Variants in FRMPD4 observed in about 807,000 individuals in gnomAD.
FRMPD4 encodes the protein FERM and PDZ domain containing 4, also known as FERM and PDZ domain-containing protein 4.
FRMPD4 carries 22 observed loss-of-function variants against 94.1 expected under a neutral mutation model. The observed-to-expected ratio is 0.23, with a 90% confidence interval of 0.17 to 0.33. The LOEUF (loss-of-function observed/expected upper bound fraction) is 0.33, where lower values mean the gene tolerates loss of function less well. Among genes scored for constraint, FRMPD4 ranks in the 10% least tolerant of loss-of-function variants. The pLI, the probability that FRMPD4 is intolerant of heterozygous loss-of-function variation, is 1.00. For synonymous variants in FRMPD4, 631 were observed against 548.6 expected (o/e 1.15, Z -2.10); for missense variants, 1,111 against 1,339.9 (o/e 0.83, Z 2.67).
At chrX:11,893,314 AT>A (rs1381162506) in intron 3 of FRMPD4, among the ~76,000 whole-genome samples, 1 of 111,924 alleles carries the variant, frequency 8.9e-6, no homozygotes. Flanking sequence ...CATTTACTTT[AT>A]AAAAATTTCA....
intron 3 of FRMPD4, among the ~76,000 whole-genome samples, chrX:12,019,444 T>G (rs2054621407): frequency 9.1e-6 from 1 of 110,362 alleles, no homozygotes; most frequent in African/African-American, 3.3e-5. Context: ...GTTTACACTC[T>G]GTTGCTAGAT....
intron 1 of FRMPD4, among the ~76,000 whole-genome samples, chrX:12,247,507 G>A (rs185584614): frequency 2.5e-4 from 28 of 111,942 alleles, no homozygotes; most frequent in Non-Finnish European, 4.5e-4. Flanking sequence ...ACTGGTGCAT[G>A]TATGTCTCAG....
In FRMPD4 at chrX:12,630,013, C is replaced by T. The variant is rs150573730; in HGVS notation, c.422+15132C>T. Among the ~76,000 whole-genome samples the T allele has an allele frequency of 5.1e-4, 57 of 112,615 alleles. 1 individual carries two copies. In the East Asian group the frequency reaches 8.1e-3, roughly 16 times the overall value. On this transcript the variant is annotated intron_variant, in intron 4 of 16. Coordinates refer to ENST00000675598, the MANE Select transcript of FRMPD4 (RefSeq NM_001368397.1). ...GTAAACATACCTAGACTCAGCCTTG[C>T]GGCACTGAAACTGAGAGTTTGGCAG... is the stretch of plus-strand genomic sequence containing the variant.
intron 3 of FRMPD4, among the ~76,000 whole-genome samples, chrX:12,070,659 G>A (rs2054959604): frequency 8.9e-6 from 1 of 111,863 alleles, no homozygotes; most frequent in Non-Finnish European, 1.9e-5. Context: ...TGAGCCGCAT[G>A]GTGCTAATTT....
chrX:12,138,095 T>A (rs994784128), upstream of FRMPD4, among the ~76,000 whole-genome samples: 1 of 112,177 alleles, frequency 8.9e-6, no homozygotes, highest in Admixed American at 9.3e-5. Context: ...GCCAGCCCAG[T>A]GGTCACGTCT....
intron 2 of FRMPD4, among the ~76,000 whole-genome samples, chrX:11,872,118 G>A (rs1233659124): frequency 8.9e-6 from 1 of 112,287 alleles, no homozygotes; most frequent in East Asian, 2.8e-4. Context: ...GCAATGACTT[G>A]CATCTGATTA....
At chrX:12,203,929 A>G (rs2056659866) in intron 1 of FRMPD4, among the ~76,000 whole-genome samples, 1 of 112,156 alleles carries the variant, frequency 8.9e-6, no homozygotes, top group Non-Finnish European at 1.9e-5. Context: ...ACAGAAATCT[A>G]CTCTTCAGGA....
chrX:12,262,197 T>C lies in FRMPD4; in HGVS notation c.41+123185T>C, dbSNP rs1275115952. ...GTCTGTGGCTGCTCTTGGGCTACAG[T>C]GGCAGAGTCGAGTAGCTACAATAGC... On this transcript the variant is annotated intron_variant, in intron 1 of 16. Coordinates refer to ENST00000675598, the MANE Select transcript of FRMPD4 (RefSeq NM_001368397.1). 3.6e-5 allele frequency among the ~76,000 whole-genome samples: 4 copies of C among 112,124 alleles called. No homozygotes were observed. In the Admixed American group the frequency reaches 3.8e-4, roughly 11 times the overall value.
chrX:12,688,180 A>C (rs758293907), intron 7 of FRMPD4, among the ~76,000 whole-genome samples: 1 of 112,169 alleles, frequency 8.9e-6, no homozygotes, highest in Admixed American at 9.4e-5. Flanking sequence ...GAAATAACCT[A>C]CAGAGCTACA....
At chrX:12,293,785 G>A (rs1416273515) in intron 1 of FRMPD4, among the ~76,000 whole-genome samples, 1 of 112,342 alleles carries the variant, frequency 8.9e-6, no homozygotes, top group African/African-American at 3.2e-5. Context: ...CACGGGGATT[G>A]TTTTACAAGC....
intron 1 of FRMPD4, among the ~76,000 whole-genome samples, chrX:12,166,328 G>A (rs1169797878): frequency 2.7e-5 from 3 of 111,623 alleles, no homozygotes; most frequent in Non-Finnish European, 3.8e-5. Context: ...TTTGTTTTTG[G>A]TTCTGTTTAT....
chrX:12,353,533 A>C (rs2055846702), intron 1 of FRMPD4, among the ~76,000 whole-genome samples: 1 of 112,128 alleles, frequency 8.9e-6, no homozygotes, highest in South Asian at 3.7e-4. Flanking sequence ...TTTACCATGA[A>C]TTATCAACCC....
chrX:11,972,850 G>C (rs907629948), intron 3 of FRMPD4, among the ~76,000 whole-genome samples: 5 of 112,622 alleles, frequency 4.4e-5, no homozygotes, highest in African/African-American at 1.6e-4. Flanking sequence ...AGCCTTGTGA[G>C]TGAGTATACA....
intron 2 of FRMPD4, among the ~76,000 whole-genome samples, chrX:12,583,790 C>G (rs1294216225): frequency 8.9e-6 from 1 of 112,548 alleles, no homozygotes; most frequent in Admixed American, 9.3e-5. Context: ...CTGTGTCTTT[C>G]GCACCAGAAT....
intron 1 of FRMPD4, among the ~76,000 whole-genome samples, chrX:12,491,951 C>T (rs184381148): frequency 1.2e-3 from 129 of 112,078 alleles, no homozygotes; most frequent in African/African-American, 3.9e-3. Flanking sequence ...TCACATTTAG[C>T]TCTGTGATGC....
At chrX:12,705,308 G>T (rs2041856997) in intron 11 of FRMPD4, among the ~76,000 whole-genome samples, 1 of 111,948 alleles carries the variant, frequency 8.9e-6, no homozygotes, top group African/African-American at 3.2e-5. Flanking sequence ...AGGATTCCAG[G>T]AACCAGAAAG....
intron 3 of FRMPD4, among the ~76,000 whole-genome samples, chrX:12,126,016 C>T (rs1294714853): frequency 8.9e-6 from 1 of 112,236 alleles, no homozygotes; most frequent in East Asian, 2.8e-4. Flanking sequence ...CAAGGGTGTC[C>T]CCAAGACCAA....
intron 2 of FRMPD4, among the ~76,000 whole-genome samples, chrX:12,536,903 G>C (rs2058345312): frequency 9.0e-6 from 1 of 111,384 alleles, no homozygotes; most frequent in Non-Finnish European, 1.9e-5. Flanking sequence ...TTAAAATTTT[G>C]ATAATTCCTT....
At chrX:12,203,514 A>G (rs972563197) in intron 1 of FRMPD4, among the ~76,000 whole-genome samples, 9 of 111,860 alleles carry the variant, frequency 8.0e-5, no homozygotes, top group African/African-American at 2.9e-4. Flanking sequence ...TCTGTCAGTG[A>G]TGGTCATTGG....
Sources: gnomAD v4.1 joint callset for allele counts (sites outside exome capture counted in the v4.1 genomes callset) on GRCh38, gnomAD v4.1.1 for gene constraint, MANE v1.5 for transcripts, NCBI Gene and HGNC (gene_info 2026-07-23, HGNC 2026-07-21) for gene names.